SACS: variants seen among roughly 807,000 people sequenced by gnomAD.
SACS encodes the protein sacsin.
A neutral mutation model predicts 348.0 loss-of-function variants in SACS; 197 were observed. The observed-to-expected ratio is 0.57, with a 90% CI of 0.50 to 0.64. The LOEUF (loss-of-function observed/expected upper bound fraction) is 0.64, where lower values mean the gene tolerates loss of function less well. Among genes scored for constraint, SACS ranks in the 30% least tolerant of loss-of-function variants. SACS has a pLI of 0.00. For synonymous variants in SACS, 1,985 were observed against 1,910.6 expected (o/e 1.04, Z -1.02); for missense variants, 4,999 against 5,360.8 (o/e 0.93, Z 2.11).
In SACS at chr13:23,339,752, G is replaced by C. The variant is rs778510522; in HGVS notation, c.4124C>G (p.Pro1375Arg). 2 of 1,613,922 alleles carry C rather than the reference G, an allele frequency of 1.2e-6. No homozygotes were observed. The highest frequency in any genetic ancestry group is 1.3e-5 in the African/African-American group (1 of 74,898). The stretch of plus-strand genomic sequence containing the variant: ...ATGATGTATAGGAACTGGTGTGTTG[G>C]GGCTTGCTGGAATCTGATTGCTATA... ...WLYSNQIPAS[P>R]NTPVPIHHSK... The change falls in exon 10 of 10, where the codon CCC (proline) becomes CGC (arginine). Residue 1375 changes from proline (P) to arginine (R), a missense_variant. Pro to Arg is a moderately radical substitution (Grantham distance 103). This residue lies in a region of SACS where 3,156 missense variants were observed against 3,380.1 expected (regional missense o/e 0.93). Coordinates refer to ENST00000382292, the MANE Select transcript of SACS (RefSeq NM_014363.6).
At chr13:23,387,041 G>C (rs567235524) in intron 2 of SACS, among the ~76,000 whole-genome samples, 70 of 152,264 alleles carry the variant, frequency 4.6e-4, no homozygotes, top group Admixed American at 7.9e-4. Context: ...CAATGAAAAT[G>C]TTTAAAATAT....
intron 2 of SACS, among the ~76,000 whole-genome samples, chr13:23,387,285 C>T (rs953944419): frequency 6.6e-6 from 1 of 151,916 alleles, no homozygotes; most frequent in Non-Finnish European, 1.5e-5. Flanking sequence ...CAGTGAAACC[C>T]AGTCTCTACT....
intron 6 of SACS, among the ~76,000 whole-genome samples, chr13:23,360,756 T>G (rs1429345907): frequency 4.2e-3 from 14 of 3,310 alleles, no homozygotes; most frequent in Non-Finnish European, 6.6e-3. Context: ...CCAAGGTACT[T>G]TTTTTTTTTT....
At position 23,341,416 on chromosome 13, in the gene SACS, G is replaced by A. The variant is rs761330691; in HGVS notation, c.2460C>T (p.Leu820=). Residue 820 remains leucine, a synonymous_variant, in exon 10 of 10, where the codon CTC becomes CTT. Coordinates refer to ENST00000382292, the MANE Select transcript of SACS (RefSeq NM_014363.6). ...CTAAAATGACTAACGATGGAATCCT[G>A]AGTCTAATGAGTTCCACACATGTCT... is the stretch of plus-strand genomic sequence containing the variant. ...EGQTCVELIR[L]RIPSLVILDD... 8 of 1,613,064 alleles carry A rather than the reference G, an allele frequency of 5.0e-6. No individual in the cohort carries two copies. Among genetic ancestry groups the A allele is most frequent in the Non-Finnish European group, 6.8e-6 (8 of 1,179,476 alleles).
At chr13:23,421,533 C>T (rs1035795646) in intron 1 of SACS, among the ~76,000 whole-genome samples, 4 of 152,094 alleles carry the variant, frequency 2.6e-5, no homozygotes, top group Non-Finnish European at 5.9e-5. Flanking sequence ...CTTATGTTCC[C>T]CTTGAGCCTG....
rs146021674 is a variant in SACS at position 23,385,254 on chromosome 13, A to G, written c.21-9985T>C. Among the ~76,000 whole-genome samples the G allele has an allele frequency of 9.2e-3, 1,395 of 152,128 alleles. 14 individuals carry two copies. The highest frequency in any genetic ancestry group is 0.013 in the Non-Finnish European group (890 of 68,024). The stretch of plus-strand genomic sequence containing the variant: ...ATCACTTCTGTAGTTACTTCCTCCA[A>G]TGAAATCTTGAACTCCTCAAAGTCA... On this transcript the variant is annotated intron_variant, in intron 2 of 9. Coordinates refer to ENST00000382292, the MANE Select transcript of SACS (RefSeq NM_014363.6).
At chr13:23,378,340 G>A (rs1044286763) in intron 2 of SACS, among the ~76,000 whole-genome samples, 1 of 152,130 alleles carries the variant, frequency 6.6e-6, no homozygotes, top group African/African-American at 2.4e-5. Flanking sequence ...AAGGAAAAAC[G>A]TGACTCAGGC....
chr13:23,400,441 G>A (rs1221406184), intron 2 of SACS, among the ~76,000 whole-genome samples: 2 of 151,990 alleles, frequency 1.3e-5, no homozygotes, highest in African/African-American at 4.8e-5. Flanking sequence ...ATTTTTTTGA[G>A]AAGGGGTCTC....
rs759987183 is a variant in SACS at position 23,365,207 on chromosome 13, C to T, written c.416G>A (p.Gly139Glu). ...ATCTTTTGACCAAAGAGTCTCTGTT[C>T]CGTATTGAGTTTCATCATATAAAAA... ...VKFLYDETQY[G>E]TETLWSKDMA... The change falls in exon 6 of 10, where the codon GGA becomes GAA. Residue 139 changes from glycine to glutamate, a missense_variant. By Grantham distance (98) the Gly-to-Glu change is moderately conservative (BLOSUM62 -2). This residue lies in a region of SACS where 3,156 missense variants were observed against 3,380.1 expected (regional missense o/e 0.93). Coordinates refer to ENST00000382292, the MANE Select transcript of SACS (RefSeq NM_014363.6). 3.7e-6 allele frequency: 6 copies of T among 1,612,932 alleles called. No homozygotes were observed. The East Asian group carries it at 1.1e-4, about 30-fold the overall frequency.
Position 23,340,360 on chromosome 13 carries a change from G to A in SACS, c.3516C>T (p.Val1172=). Residue 1172 remains valine (V), a synonymous_variant, in exon 10 of 10, where the codon GTC becomes GTT. Coordinates refer to ENST00000382292, the MANE Select transcript of SACS (RefSeq NM_014363.6). ...ERPPNYPGSL[V]WKGDLCNLCA... ...AGAGATTACAGAGATCTCCTTTCCA[G>A]ACCAAAGAGCCTGGATAATTTGGAG... 1 of 1,613,958 alleles carries A rather than the reference G, an allele frequency of 6.2e-7. No individual in the cohort carries two copies. Among genetic ancestry groups the A allele is most frequent in the Non-Finnish European group, 8.5e-7 (1 of 1,179,960 alleles).
intron 2 of SACS, among the ~76,000 whole-genome samples, chr13:23,408,824 G>T (rs2137953704): frequency 6.6e-6 from 1 of 151,792 alleles, no homozygotes; most frequent in East Asian, 2.0e-4. Context: ...AATTAGCCGG[G>T]CGTGGTGGTG....
rs776647599 is a variant in SACS, at chr13:23,334,987, G to T, written c.8889C>A (p.Phe2963Leu). The T allele has an allele frequency of 1.9e-6, 3 of 1,613,696 alleles. No homozygotes were observed. In the African/African-American group the frequency reaches 4.0e-5, roughly 22 times the overall value. Residue 2963 changes from phenylalanine (F) to leucine (L), a missense_variant, in exon 10 of 10, where the codon TTC becomes TTA. This residue lies in a region of SACS where 734 missense variants were observed against 694.0 expected (regional missense o/e 1.06). Transcript: ENST00000382292. ...KDTLKKFLSFFPVNRLDLQPD... is the reference protein window; with the variant it reads ...KDTLKKFLSFLPVNRLDLQPD... ...GCTGTAGATCAAGACGGTTAACTGG[G>T]AAAAACGATAAAAACTTCTTTAAAG...
intron 9 of SACS, among the ~76,000 whole-genome samples, chr13:23,345,024 CT>C (rs1257392209): frequency 2.6e-5 from 4 of 152,192 alleles, no homozygotes; most frequent in Admixed American, 2.0e-4. Flanking sequence ...GTCCTGAATG[CT>C]TTAATTAACT....
rs527248382 is a variant in SACS, at chr13:23,360,905, C to A, written c.458-2424G>T. On this transcript the variant is annotated intron_variant, in intron 6 of 9. Transcript: ENST00000382292. ...AAGTAGCTGGGACCACAATCGCACACCACCACACCCAGCTAATTTTTGTAT... is the reference window on the plus strand; with the variant it reads ...AAGTAGCTGGGACCACAATCGCACAACACCACACCCAGCTAATTTTTGTAT... Among the ~76,000 whole-genome samples, 33 of 152,166 alleles carry A rather than the reference C, an allele frequency of 2.2e-4. No individual in the cohort carries two copies. The South Asian group carries it at 6.6e-3, about 31-fold the overall frequency.
chr13:23,363,393 A>G (rs1022889799), intron 6 of SACS, among the ~76,000 whole-genome samples: 1 of 151,280 alleles, frequency 6.6e-6, no homozygotes, highest in South Asian at 2.1e-4. Context: ...ACACCTGGCT[A>G]ATTTTTGTAT....
Position 23,335,176 on chromosome 13 carries a change from A to G in SACS, c.8700T>C (p.Asp2900=), listed in dbSNP as rs1207531130. 5.0e-6 allele frequency: 8 copies of G among 1,613,936 alleles called. No homozygotes were observed. Among genetic ancestry groups the G allele is most frequent in the Middle Eastern group, 1.6e-4 (1 of 6,062 alleles). ...DSARRNLWRD[D]NGVGVRSDWN... ...AGTCACTTCGAACACCAACTCCATT[A>G]TCATCACGCCACAGGTTCCTTCTGG... The change falls in exon 10 of 10, where the codon GAT becomes GAC. Residue 2900 remains aspartate (D), a synonymous_variant. Coordinates refer to ENST00000382292, the MANE Select transcript of SACS (RefSeq NM_014363.6). This position sits in a 1 kb window ranked among gnomAD's most constrained non-coding sequence, Gnocchi z 4.7.
At chr13:23,412,800 T>C (rs1236343922) in intron 1 of SACS, among the ~76,000 whole-genome samples, 1 of 152,234 alleles carries the variant, frequency 6.6e-6, no homozygotes, top group Non-Finnish European at 1.5e-5. Context: ...AAATGTGTTA[T>C]CAGAAAGGCT....
chr13:23,418,637 T>C (rs556586510), intron 1 of SACS, among the ~76,000 whole-genome samples: 1 of 152,076 alleles, frequency 6.6e-6, no homozygotes, highest in Non-Finnish European at 1.5e-5. Context: ...GTCTGAGTAG[T>C]TGGGCTTACA....
chr13:23,414,056 G>A (rs1036074880), intron 1 of SACS, among the ~76,000 whole-genome samples: 2 of 152,198 alleles, frequency 1.3e-5, no homozygotes, highest in African/African-American at 4.8e-5. Flanking sequence ...TGTAATCCCA[G>A]CACGTTGGGA....
Sources: gnomAD v4.1 joint callset for allele counts (sites outside exome capture counted in the v4.1 genomes callset) on GRCh38, gnomAD v4.1.1 for gene constraint, gnomAD v4.1.1 regional missense constraint, Gnocchi (gnomAD v3.1) non-coding constraint, MANE v1.5 for transcripts, NCBI Gene and HGNC (gene_info 2026-07-23, HGNC 2026-07-21) for gene names.